Variants in SPMIP2 observed in about 807,000 individuals in gnomAD.
SPMIP2 encodes protein SPMIP2.
At chr4:158,963,404 G>C in the SPMIP2 span, among the ~76,000 whole-genome samples, 1 of 152,054 alleles carries the variant, frequency 6.6e-6, no homozygotes, top group African/African-American at 2.4e-5. Flanking sequence ...TAAGTTCAAG[G>C]AATTCTCCCA....
chr4:158,981,806 CAAAAAAAAAAAAAAA>C, the SPMIP2 span, among the ~76,000 whole-genome samples: 2 of 77,304 alleles, frequency 2.6e-5, no homozygotes, highest in East Asian at 4.1e-4. Flanking sequence ...AACTAATGGG[CAAAAAAAAAAAAAAA>C]AAAAAAAAAA....
At chr4:159,014,180 T>C in the SPMIP2 span, among the ~76,000 whole-genome samples, 2 of 152,140 alleles carry the variant, frequency 1.3e-5, no homozygotes, top group African/African-American at 4.8e-5. Flanking sequence ...CAGGGCCAGG[T>C]GCGGTGTCTC....
chr4:158,916,169 A>T, the SPMIP2 span, among the ~76,000 whole-genome samples: 3 of 152,218 alleles, frequency 2.0e-5, no homozygotes, highest in African/African-American at 7.2e-5. Flanking sequence ...CATGGCTGGC[A>T]CAGTACAAGG....
the SPMIP2 span, among the ~76,000 whole-genome samples, chr4:158,982,534 C>T: frequency 6.6e-6 from 1 of 152,174 alleles, no homozygotes; most frequent in Non-Finnish European, 1.5e-5. Flanking sequence ...TCTCAGACCA[C>T]AGTGCAATCA....
chr4:159,043,386 G>A, the SPMIP2 span, among the ~76,000 whole-genome samples: 27 of 151,646 alleles, frequency 1.8e-4, no homozygotes, highest in Admixed American at 1.7e-3. Context: ...TCACTCTGTC[G>A]CCCAGGCTGG....
At chr4:158,979,432 G>A in the SPMIP2 span, among the ~76,000 whole-genome samples, 1 of 152,082 alleles carries the variant, frequency 6.6e-6, no homozygotes, top group South Asian at 2.1e-4. Flanking sequence ...AGGAAGGCTG[G>A]CAAGATGGCT....
chr4:159,025,356 G>T, the SPMIP2 span, among the ~76,000 whole-genome samples: 1 of 152,154 alleles, frequency 6.6e-6, no homozygotes, highest in African/African-American at 2.4e-5. Flanking sequence ...GCAGAGACGA[G>T]GTTTCACCAT....
the SPMIP2 span, among the ~76,000 whole-genome samples, chr4:159,020,961 C>T: frequency 6.6e-6 from 1 of 152,182 alleles, no homozygotes; most frequent in Non-Finnish European, 1.5e-5. Flanking sequence ...CGGGGTTTCA[C>T]CGTATTAGCC....
chr4:159,055,086 CA>C, the SPMIP2 span, among the ~76,000 whole-genome samples: 1 of 152,154 alleles, frequency 6.6e-6, no homozygotes, highest in Non-Finnish European at 1.5e-5. Flanking sequence ...AGGCTGGTGT[CA>C]AAGCTTTTGG....
chr4:159,048,575 A>G, the SPMIP2 span, among the ~76,000 whole-genome samples: 1 of 152,076 alleles, frequency 6.6e-6, no homozygotes, highest in Non-Finnish European at 1.5e-5. Flanking sequence ...ATCTTGGACC[A>G]GAAGCAGGGG....
At chr4:158,915,168 A>G in the SPMIP2 span, 1 of 1,609,790 alleles carries the variant, frequency 6.2e-7, no homozygotes, top group Non-Finnish European at 8.5e-7. Context: ...AAAACATCAT[A>G]CCTTTTCCTT....
chr4:159,071,205 T>C, the SPMIP2 span, among the ~76,000 whole-genome samples: 1 of 152,162 alleles, frequency 6.6e-6, no homozygotes, highest in Non-Finnish European at 1.5e-5. Flanking sequence ...GGAAAATCTT[T>C]TGAGGCTTGA....
chr4:158,926,567 T>A, the SPMIP2 span, among the ~76,000 whole-genome samples: 1 of 152,184 alleles, frequency 6.6e-6, no homozygotes. Context: ...TACCGAGACT[T>A]ATTTTATGGC....
At chr4:158,899,110 T>A in the SPMIP2 span, among the ~76,000 whole-genome samples, 1 of 152,238 alleles carries the variant, frequency 6.6e-6, no homozygotes, top group Non-Finnish European at 1.5e-5. Flanking sequence ...GATAATCATC[T>A]GGTTTTTGTC....
At chr4:159,081,602 C>A in the SPMIP2 span, among the ~76,000 whole-genome samples, 8 of 151,834 alleles carry the variant, frequency 5.3e-5, no homozygotes, top group Admixed American at 5.2e-4. Flanking sequence ...GAGATGAGAT[C>A]ACATGAGCCT....
the SPMIP2 span, among the ~76,000 whole-genome samples, chr4:158,976,659 A>ATTTTTTTTG: frequency 1.1e-5 from 1 of 94,732 alleles, no homozygotes; most frequent in African/African-American, 4.8e-5. Context: ...ATGGATAAGC[A>ATTTTTTTTG]TTTTTTTTTT....
chr4:158,976,425 T>G, the SPMIP2 span, among the ~76,000 whole-genome samples: 28 of 152,210 alleles, frequency 1.8e-4, 1 homozygote, highest in African/African-American at 6.7e-4. Flanking sequence ...CTGTGGGTTT[T>G]TCATAAATAG....
At chr4:158,966,207 T>C in the SPMIP2 span, among the ~76,000 whole-genome samples, 4 of 152,214 alleles carry the variant, frequency 2.6e-5, no homozygotes, top group East Asian at 3.8e-4. Flanking sequence ...CTTGGTTTCC[T>C]AGATTTAATC....
the SPMIP2 span, among the ~76,000 whole-genome samples, chr4:159,008,371 G>C: frequency 6.6e-6 from 1 of 152,148 alleles, no homozygotes; most frequent in Non-Finnish European, 1.5e-5. Flanking sequence ...TCAGGGGTTC[G>C]AGACCAGCCT....
Sources: gnomAD v4.1 joint callset for allele counts (sites outside exome capture counted in the v4.1 genomes callset) on GRCh38, gnomAD v4.1.1 for gene constraint, MANE v1.5 for transcripts, NCBI Gene and HGNC (gene_info 2026-07-23, HGNC 2026-07-21) for gene names.